SLC35F1: variants seen among roughly 807,000 people sequenced by gnomAD.
SLC35F1 encodes the protein solute carrier family 35 member F1.
In SLC35F1, 14 loss-of-function variants were observed where a neutral mutation model predicts 48.7. The observed-to-expected ratio is 0.29, with a 90% CI of 0.19 to 0.45. The LOEUF (loss-of-function observed/expected upper bound fraction) is 0.45. SLC35F1 is among the 20% of genes least tolerant of loss of function. SLC35F1 has a pLI of 1.00. For missense variants in SLC35F1, 404 were observed against 500.0 expected (o/e 0.81, Z 1.83); for synonymous variants, 190 against 202.2 (o/e 0.94, Z 0.51).
chr6:117,929,584 C>G (rs1310604300), intron 1 of SLC35F1, among the ~76,000 whole-genome samples: 1 of 151,470 alleles, frequency 6.6e-6, no homozygotes, highest in Non-Finnish European at 1.5e-5. Flanking sequence ...GTAGGGCAAG[C>G]CAGCAGGCTA....
In SLC35F1 at chr6:117,907,576, G is replaced by C; in HGVS notation, c.-151G>C. 2.5e-6 allele frequency: 1 copy of C among 398,572 alleles called. No homozygotes were observed. The highest frequency in any genetic ancestry group is 4.4e-6 in the Non-Finnish European group (1 of 229,874). 24.7% of individuals were successfully genotyped at this position (398,572 alleles called of 1,614,324 possible). A position where few individuals can be genotyped will look rare whatever the true frequency, so the allele number is the denominator to read the frequency against. On this transcript the variant is annotated 5_prime_UTR_variant, in exon 1 of 8. Coordinates refer to ENST00000360388, the MANE Select transcript of SLC35F1 (RefSeq NM_001029858.4). The stretch of plus-strand genomic sequence containing the variant: ...GCTGGGCGGCGGCGGCCGTAGCCGC[G>C]GGTGCCTCCCCGCCTCACCGCTTCG...
rs146994879 is a variant in SLC35F1 at position 118,100,751 on chromosome 6, T to C, written c.174-53694T>C. ...AATGTAGGCGTGCTGGATTGAATCATTGGCAATGAACTCACTCTCCAGCCC... is the reference window on the plus strand; with the variant it reads ...AATGTAGGCGTGCTGGATTGAATCACTGGCAATGAACTCACTCTCCAGCCC... On this transcript the variant is annotated intron_variant, in intron 1 of 7. Coordinates refer to ENST00000360388, the MANE Select transcript of SLC35F1 (RefSeq NM_001029858.4). Among the ~76,000 whole-genome samples, 1,072 of 152,302 alleles carry C rather than the reference T, an allele frequency of 7.0e-3. 38 individuals are homozygous for C. Among genetic ancestry groups the C allele is most frequent in the Admixed American group, 0.066 (1,012 of 15,288 alleles).
chr6:118,227,907 C>G (rs1775239315), intron 2 of SLC35F1, among the ~76,000 whole-genome samples: 2 of 152,138 alleles, frequency 1.3e-5, no homozygotes, highest in South Asian at 4.1e-4. Flanking sequence ...CTTCTCTTGT[C>G]TTTCTTTCCA....
At chr6:118,085,116 T>C (rs1464478312) in intron 1 of SLC35F1, among the ~76,000 whole-genome samples, 3 of 152,126 alleles carry the variant, frequency 2.0e-5, no homozygotes, top group Non-Finnish European at 2.9e-5. Context: ...CATCACATTG[T>C]GTCACCCCAC....
intron 1 of SLC35F1, among the ~76,000 whole-genome samples, chr6:117,952,490 A>G (rs1272425299): frequency 6.6e-6 from 1 of 152,180 alleles, no homozygotes; most frequent in East Asian, 1.9e-4. Flanking sequence ...TTTTTCTTAA[A>G]TCACCTGACA....
chr6:118,166,285 T>C (rs1774316480), intron 2 of SLC35F1, among the ~76,000 whole-genome samples: 1 of 152,102 alleles, frequency 6.6e-6, no homozygotes, highest in Non-Finnish European at 1.5e-5. Flanking sequence ...GGCCATGATA[T>C]CACAGATCAT....
At chr6:118,160,922 TG>T (rs1417709753) in intron 2 of SLC35F1, among the ~76,000 whole-genome samples, 1 of 151,022 alleles carries the variant, frequency 6.6e-6, no homozygotes, top group African/African-American at 2.4e-5. Context: ...TTGAGGAGGT[TG>T]GGGGTGGTAG....
At chr6:118,021,459 G>T (rs1777392622) in intron 1 of SLC35F1, among the ~76,000 whole-genome samples, 1 of 152,300 alleles carries the variant, frequency 6.6e-6, no homozygotes, top group Admixed American at 6.5e-5. Context: ...GGGAAAGGGT[G>T]ACTGTCAGTA....
At chr6:118,295,105 T>A (rs1776167775) in intron 7 of SLC35F1, among the ~76,000 whole-genome samples, 1 of 151,966 alleles carries the variant, frequency 6.6e-6, no homozygotes. Context: ...ACCCTCCCCG[T>A]CAGCTCCTAA....
At chr6:118,221,447 A>G (rs552942898) in intron 2 of SLC35F1, among the ~76,000 whole-genome samples, 1 of 152,276 alleles carries the variant, frequency 6.6e-6, no homozygotes, top group East Asian at 1.9e-4. Context: ...TGAAATAAGG[A>G]CATGGAAGTA....
intron 1 of SLC35F1, among the ~76,000 whole-genome samples, chr6:118,111,526 A>G (rs1357732097): frequency 6.6e-6 from 1 of 152,204 alleles, no homozygotes; most frequent in Non-Finnish European, 1.5e-5. Flanking sequence ...ACAGAAACAA[A>G]GACTTTCTCA....
chr6:118,003,608 A>G (rs1025812958), intron 1 of SLC35F1, among the ~76,000 whole-genome samples: 6 of 152,216 alleles, frequency 3.9e-5, no homozygotes, highest in African/African-American at 1.4e-4. Flanking sequence ...TTTAAATTAT[A>G]ATTCAGTTTT....
intron 1 of SLC35F1, among the ~76,000 whole-genome samples, chr6:118,030,607 A>C (rs1456723492): frequency 6.6e-6 from 1 of 152,136 alleles, no homozygotes; most frequent in Non-Finnish European, 1.5e-5. Context: ...AAGAGTGTAA[A>C]GATCTTTGGG....
At chr6:118,289,025 C>T (rs1296941284) in intron 7 of SLC35F1, among the ~76,000 whole-genome samples, 1 of 152,162 alleles carries the variant, frequency 6.6e-6, no homozygotes, top group East Asian at 1.9e-4. Context: ...CCCCCAGCTC[C>T]TCAAAATCAC....
chr6:118,055,530 A>C (rs1453456457), intron 1 of SLC35F1, among the ~76,000 whole-genome samples: 1 of 152,206 alleles, frequency 6.6e-6, no homozygotes, highest in East Asian at 1.9e-4. Flanking sequence ...AAGTTAATTT[A>C]GCAATCACAG....
Position 117,982,548 on chromosome 6 carries a change from G to A in SLC35F1, c.173+74649G>A, listed in dbSNP as rs142409917. Among the ~76,000 whole-genome samples, 69 of 152,326 alleles carry A rather than the reference G, an allele frequency of 4.5e-4. 1 individual carries two copies. The East Asian group carries it at 0.013, about 28-fold the overall frequency. On this transcript the variant is annotated intron_variant, in intron 1 of 7. Transcript: ENST00000360388. The stretch of plus-strand genomic sequence containing the variant: ...CAGCATTCAGAACATTAGCAGTGGT[G>A]AATAATGTGGGATGATGAGTTGACA...
intron 7 of SLC35F1, 64 bp from the exon 8 acceptor site, chr6:118,313,964 C>T: frequency 6.8e-7 from 1 of 1,460,306 alleles, no homozygotes; most frequent in Non-Finnish European, 9.6e-7. Context: ...TTTCTGTGTG[C>T]CTCATTAATG....
At chr6:118,268,294 A>G (rs1185577204) in intron 4 of SLC35F1, among the ~76,000 whole-genome samples, 1 of 152,126 alleles carries the variant, frequency 6.6e-6, no homozygotes, top group Admixed American at 6.6e-5. Context: ...CTGGGAGCTG[A>G]AGATACAACA....
chr6:118,061,784 T>C (rs1490231134), intron 1 of SLC35F1, among the ~76,000 whole-genome samples: 1 of 152,188 alleles, frequency 6.6e-6, no homozygotes, highest in East Asian at 1.9e-4. Flanking sequence ...CCTCAGATCA[T>C]CAGGCATTAG....
Sources: gnomAD v4.1 joint callset for allele counts (sites outside exome capture counted in the v4.1 genomes callset) on GRCh38, gnomAD v4.1.1 for gene constraint, MANE v1.5 for transcripts, NCBI Gene and HGNC (gene_info 2026-07-23, HGNC 2026-07-21) for gene names.